ARHGAP29: variants seen among roughly 807,000 people sequenced by gnomAD.
The protein encoded by ARHGAP29 is rho GTPase-activating protein 29.
In ARHGAP29, 43 loss-of-function variants were observed where a neutral mutation model predicts 122.6. The observed-to-expected ratio is 0.35, with a 90% CI of 0.27 to 0.45. The LOEUF (loss-of-function observed/expected upper bound fraction) is 0.45, where lower values mean the gene tolerates loss of function less well. Ranked by LOEUF, ARHGAP29 falls within the 20% of genes least tolerant of loss-of-function variation. The pLI is 1.00. For synonymous variants in ARHGAP29, 506 were observed against 497.1 expected (o/e 1.02, Z -0.24); for missense variants, 1,303 against 1,477.2 (o/e 0.88, Z 1.93).
intron 11 of ARHGAP29, 72 bp downstream of exon 11, chr1:94,202,472 G>C: frequency 6.4e-7 from 1 of 1,571,610 alleles, no homozygotes; most frequent in Non-Finnish European, 8.7e-7. Flanking sequence ...GGCAGACGCA[G>C]AACTTTGACA....
At position 94,185,270 on chromosome 1, in the gene ARHGAP29, A is replaced by G. The variant is rs781423798; in HGVS notation, c.1920+72T>C. ...CATATATTTGCAAAAGATCCTAAAA[A>G]GTAAAATTAAAAACAAAAAAGTATA... On this transcript the variant is annotated intron_variant, in intron 17 of 22. Transcript: ENST00000260526. 85 of 1,463,322 alleles carry G rather than the reference A, an allele frequency of 5.8e-5. 1 individual carries two copies. The highest frequency in any genetic ancestry group is 3.6e-4 in the Middle Eastern group (2 of 5,570). 90.6% of individuals were successfully genotyped at this position (1,463,322 alleles called of 1,614,324 possible).
intron 1 of ARHGAP29, among the ~76,000 whole-genome samples, chr1:94,244,243 AC>A (rs1653710387): frequency 6.6e-6 from 1 of 151,732 alleles, no homozygotes; most frequent in Non-Finnish European, 1.5e-5. Context: ...AAAAACACAC[AC>A]AAAAAACAAA....
the ARHGAP29 span, among the ~76,000 whole-genome samples, chr1:94,298,361 T>C: frequency 6.6e-6 from 1 of 152,258 alleles, no homozygotes; most frequent in Non-Finnish European, 1.5e-5. Flanking sequence ...GGTCTTTCTA[T>C]AGAGATTGAG....
intron 7 of ARHGAP29, among the ~76,000 whole-genome samples, chr1:94,204,425 A>G (rs1466157521): frequency 1.3e-5 from 2 of 152,186 alleles, no homozygotes; most frequent in African/African-American, 4.8e-5. Context: ...GACCCTCTAC[A>G]AGACTATTCA....
chr1:94,234,043 T>A (rs2101621309), intron 1 of ARHGAP29, among the ~76,000 whole-genome samples: 1 of 152,288 alleles, frequency 6.6e-6, no homozygotes, highest in South Asian at 2.1e-4. Flanking sequence ...TCCTGGACCA[T>A]CCCCATCCCC....
intron 12 of ARHGAP29, among the ~76,000 whole-genome samples, chr1:94,201,337 C>T (rs576907198): frequency 6.6e-6 from 1 of 152,274 alleles, no homozygotes; most frequent in East Asian, 1.9e-4. Context: ...AACTGAAAAT[C>T]AATCTGCAAA....
At chr1:94,255,694 T>G (rs944042391) in intron 1 of ARHGAP29, among the ~76,000 whole-genome samples, 39 of 152,220 alleles carry the variant, frequency 2.6e-4, no homozygotes, top group African/African-American at 9.4e-4. Context: ...GTCATTAAAA[T>G]GAGAAGGCAG....
intron 12 of ARHGAP29, among the ~76,000 whole-genome samples, chr1:94,198,944 G>A (rs553592267): frequency 6.6e-6 from 1 of 152,284 alleles, no homozygotes; most frequent in East Asian, 1.9e-4. Context: ...TTTAAGACTT[G>A]CTGCAAAGCA....
chr1:94,247,783 TG>T (rs1328913495), intron 1 of ARHGAP29: 1 of 420,632 alleles, frequency 2.4e-6, no homozygotes, highest in Non-Finnish European at 3.2e-6. Context: ...CCCCGCCCCT[TG>T]GAGCCCAGCC....
chr1:94,233,184 C>T (rs940434611), intron 1 of ARHGAP29, among the ~76,000 whole-genome samples: 7 of 151,984 alleles, frequency 4.6e-5, no homozygotes, highest in Non-Finnish European at 1.0e-4. Context: ...AACTCCTGGG[C>T]TCAAGTGATC....
chr1:94,179,128 T>G (rs1649290068), intron 20 of ARHGAP29, among the ~76,000 whole-genome samples: 1 of 152,182 alleles, frequency 6.6e-6, no homozygotes, highest in Admixed American at 6.5e-5. Flanking sequence ...AAACCCTATG[T>G]TTTCATCCTT....
chr1:94,185,123 CA>C (rs1174390731), intron 17 of ARHGAP29, 63 bp from the exon 18 acceptor site: 17 of 1,455,830 alleles, frequency 1.2e-5, no homozygotes, highest in Non-Finnish European at 1.6e-5. Flanking sequence ...GGGCAAACTG[CA>C]GGTGGAAGGT....
chr1:94,204,062 T>C, intron 7 of ARHGAP29, 68 bp from the exon 8 acceptor site: 1 of 1,235,296 alleles, frequency 8.1e-7, no homozygotes. Context: ...ACTCTAAAAT[T>C]ACTTGTAGTA....
Position 94,169,378 on chromosome 1 carries a change from T to C in ARHGAP29, c.*4491A>G, listed in dbSNP as rs1392386467. Among the ~76,000 whole-genome samples the C allele has an allele frequency of 1.3e-5, 2 of 152,094 alleles. No homozygotes were observed. Among genetic ancestry groups the C allele is most frequent in the Non-Finnish European group, 2.9e-5 (2 of 68,020 alleles). ...GCGCTGCTATGACTGCGGATTTATT[T>C]GGCATATTTGGGACTGGGTGTGATG... On this transcript the variant is annotated 3_prime_UTR_variant, in exon 23 of 23. Transcript: ENST00000260526.
chr1:94,282,627 A>G, the ARHGAP29 span, among the ~76,000 whole-genome samples: 1 of 152,116 alleles, frequency 6.6e-6, no homozygotes, highest in Non-Finnish European at 1.5e-5. Flanking sequence ...AAAATGGAAG[A>G]GAAGTAAAAA....
At chr1:94,254,139 T>A (rs111785819) in intron 1 of ARHGAP29, among the ~76,000 whole-genome samples, 92 of 152,332 alleles carry the variant, frequency 6.0e-4, no homozygotes, top group African/African-American at 2.1e-3. Context: ...AATTCTATAA[T>A]ATTGGTATCT....
intron 1 of ARHGAP29, among the ~76,000 whole-genome samples, chr1:94,237,113 C>T (rs1236825876): frequency 1.3e-5 from 2 of 152,226 alleles, no homozygotes; most frequent in African/African-American, 2.4e-5. Flanking sequence ...CCGTTGTACG[C>T]GCTGTGTGCT....
intron 1 of ARHGAP29, among the ~76,000 whole-genome samples, chr1:94,248,774 C>G (rs1653945381): frequency 6.6e-6 from 1 of 152,244 alleles, no homozygotes; most frequent in Non-Finnish European, 1.5e-5. Flanking sequence ...ACAGTCATAG[C>G]TCACTGAAGC....
rs201219522 is a variant in ARHGAP29, at chr1:94,228,105, GCT to G, written c.205+3300_205+3301del. Among the ~76,000 whole-genome samples the G allele has an allele frequency of 6.9e-3, 1,051 of 151,750 alleles. 9 individuals are homozygous for G. Among genetic ancestry groups the G allele is most frequent in the African/African-American group, 0.024 (1,001 of 41,510 alleles). On this transcript the variant is annotated intron_variant, in intron 2 of 22. Coordinates refer to ENST00000260526, the MANE Select transcript of ARHGAP29 (RefSeq NM_004815.4). ...TCAGCCCTCTAATCTTCCACATTAA[GCT>G]CTCTATTTTAATTTGTAAATTAGAA...
Sources: allele counts gnomAD v4.1 joint callset (sites outside exome capture counted in the v4.1 genomes callset), GRCh38; gene constraint gnomAD v4.1.1; transcripts MANE v1.5; gene names NCBI Gene and HGNC (gene_info 2026-07-23, HGNC 2026-07-21).